TNFSF4: variants seen among roughly 807,000 people sequenced by gnomAD.
TNFSF4 encodes the protein tumor necrosis factor ligand superfamily member 4.
TNFSF4 carries 4 observed loss-of-function variants against 7.3 expected under a neutral mutation model. The observed-to-expected ratio is 0.55, with a 90% CI of 0.27 to 1.25. The LOEUF (loss-of-function observed/expected upper bound fraction) is 1.25. Ranked by LOEUF, TNFSF4 falls within the 50% of genes most tolerant of loss-of-function variation. The pLI is 0.12. For missense variants in TNFSF4, 181 were observed against 208.8 expected, an observed-to-expected ratio of 0.87 and a Z score of 0.82; for synonymous variants, 76 against 83.7, an observed-to-expected ratio of 0.91 and a Z score of 0.50.
At chr1:173,341,412 C>A in the TNFSF4 span, among the ~76,000 whole-genome samples, 4 of 152,284 alleles carry the variant, frequency 2.6e-5, no homozygotes, top group Non-Finnish European at 2.9e-5. Context: ...TATTAGTCAA[C>A]AGACATTTAA....
At chr1:173,385,076 T>C in the TNFSF4 span, among the ~76,000 whole-genome samples, 1 of 152,238 alleles carries the variant, frequency 6.6e-6, no homozygotes. Context: ...TAAATGACTC[T>C]GTGGGTAAAA....
the TNFSF4 span, among the ~76,000 whole-genome samples, chr1:173,429,360 AC>A: frequency 6.6e-6 from 1 of 152,184 alleles, no homozygotes. Context: ...TGTGCTCCCG[AC>A]CCAAACAGAA....
the TNFSF4 span, among the ~76,000 whole-genome samples, chr1:173,282,335 T>TA: frequency 6.6e-6 from 1 of 152,038 alleles, no homozygotes; most frequent in Admixed American, 6.6e-5. Flanking sequence ...TATGTATCAA[T>TA]AAAAAATGAA....
At chr1:173,314,816 G>T in the TNFSF4 span, among the ~76,000 whole-genome samples, 4 of 152,106 alleles carry the variant, frequency 2.6e-5, no homozygotes, top group South Asian at 8.3e-4. Context: ...ATCAGAGCTG[G>T]AGATACCAAC....
At chr1:173,316,485 T>G in the TNFSF4 span, among the ~76,000 whole-genome samples, 1 of 152,098 alleles carries the variant, frequency 6.6e-6, no homozygotes, top group Non-Finnish European at 1.5e-5. Context: ...AAAAAAACTT[T>G]AGATCTAGAA....
the TNFSF4 span, among the ~76,000 whole-genome samples, chr1:173,234,826 G>C: frequency 4.6e-5 from 7 of 152,128 alleles, no homozygotes; most frequent in Non-Finnish European, 5.9e-5. Context: ...GATAGCATTA[G>C]GAGATATACC....
the TNFSF4 span, among the ~76,000 whole-genome samples, chr1:173,245,642 T>C: frequency 6.6e-6 from 1 of 152,204 alleles, no homozygotes; most frequent in African/African-American, 2.4e-5. Flanking sequence ...ATATACAATA[T>C]TGTTAACCAT....
At chr1:173,228,744 T>C in the TNFSF4 span, among the ~76,000 whole-genome samples, 1 of 152,160 alleles carries the variant, frequency 6.6e-6, no homozygotes, top group Non-Finnish European at 1.5e-5. Flanking sequence ...AATGACCTGA[T>C]GGAGCTAAAA....
chr1:173,399,667 C>T, the TNFSF4 span, among the ~76,000 whole-genome samples: 490 of 151,846 alleles, frequency 3.2e-3, 4 homozygotes, highest in African/African-American at 9.1e-3. Context: ...AAAGGGTGAT[C>T]ACAGCAGAGG....
chr1:173,242,304 CTG>C, the TNFSF4 span, among the ~76,000 whole-genome samples: 1 of 152,142 alleles, frequency 6.6e-6, no homozygotes, highest in South Asian at 2.1e-4. Context: ...CACCAAGAAA[CTG>C]AGCCAGTATG....
chr1:173,335,729 G>C, the TNFSF4 span, among the ~76,000 whole-genome samples: 2 of 152,224 alleles, frequency 1.3e-5, no homozygotes, highest in South Asian at 4.1e-4. Context: ...CCAGTTAACA[G>C]ATCACAATTC....
At chr1:173,262,031 AG>A in the TNFSF4 span, among the ~76,000 whole-genome samples, 1 of 152,226 alleles carries the variant, frequency 6.6e-6, no homozygotes, top group African/African-American at 2.4e-5. Context: ...ACAACAAAAA[AG>A]GAAAACTTCA....
At chr1:173,362,900 C>A in the TNFSF4 span, 2 of 479,916 alleles carry the variant, frequency 4.2e-6, no homozygotes, top group South Asian at 3.4e-5. Context: ...GCACATCACC[C>A]AAGCATAATC....
intron 1 of TNFSF4, among the ~76,000 whole-genome samples, chr1:173,194,655 G>A (rs1649619583): frequency 6.6e-6 from 1 of 152,014 alleles, no homozygotes; most frequent in Non-Finnish European, 1.5e-5. Flanking sequence ...GGTCAAAGCA[G>A]GCCGATCACT....
chr1:173,436,827 C>T, the TNFSF4 span, among the ~76,000 whole-genome samples: 1 of 152,162 alleles, frequency 6.6e-6, no homozygotes, highest in Non-Finnish European at 1.5e-5. Flanking sequence ...AGAAATGTGT[C>T]CCAGCGCTGA....
At chr1:173,376,020 T>A in the TNFSF4 span, among the ~76,000 whole-genome samples, 5 of 152,190 alleles carry the variant, frequency 3.3e-5, no homozygotes, top group Admixed American at 6.5e-5. Context: ...TCCCTCTGGC[T>A]TTCTGTTTCT....
At chr1:173,341,891 G>A in the TNFSF4 span, among the ~76,000 whole-genome samples, 60 of 152,214 alleles carry the variant, frequency 3.9e-4, no homozygotes, top group African/African-American at 1.4e-3. Context: ...CCAGCATCCT[G>A]AAGATGCCTT....
chr1:173,342,290 C>T, the TNFSF4 span, among the ~76,000 whole-genome samples: 1 of 152,146 alleles, frequency 6.6e-6, no homozygotes, highest in South Asian at 2.1e-4. Flanking sequence ...AGGGCTACCC[C>T]TTCCCCATAT....
the TNFSF4 span, among the ~76,000 whole-genome samples, chr1:173,275,621 T>C: frequency 6.6e-6 from 1 of 152,136 alleles, no homozygotes; most frequent in East Asian, 1.9e-4. Flanking sequence ...TGCAGATCTC[T>C]TATTACCAGT....
Sources: allele counts gnomAD v4.1 joint callset (sites outside exome capture counted in the v4.1 genomes callset), GRCh38; gene constraint gnomAD v4.1.1; transcripts MANE v1.5; gene names NCBI Gene and HGNC (gene_info 2026-07-23, HGNC 2026-07-21).